Variants in COMMD8 observed in about 807,000 individuals in gnomAD.
COMMD8 encodes COMM domain containing 8, also known as COMM domain-containing protein 8.
A neutral mutation model predicts 27.2 loss-of-function variants in COMMD8; 28 were observed. The ratio of observed to expected loss-of-function variants is 1.03; its 90% CI spans 0.76 to 1.41. The LOEUF is 1.41. Among genes scored for constraint, COMMD8 ranks in the 40% most tolerant of loss-of-function variants. COMMD8 has a pLI of 0.00. For missense variants in COMMD8, 217 were observed against 211.2 expected (o/e 1.03, Z -0.17); for synonymous variants, 79 against 75.5 (o/e 1.05, Z -0.24).
intron 1 of COMMD8, among the ~76,000 whole-genome samples, chr4:47,463,073 A>C (rs62300077): frequency 0.23 from 34,514 of 152,074 alleles, 4,089 homozygotes; most frequent in Non-Finnish European, 0.25. Context: ...CTTACAAGCC[A>C]GGTTCTTTTA....
chr4:47,453,385 AAGAG>A (rs1380727936), intron 3 of COMMD8, among the ~76,000 whole-genome samples, 171 bp from the exon 4 acceptor site: 1 of 152,206 alleles, frequency 6.6e-6, no homozygotes, highest in Non-Finnish European at 1.5e-5. Context: ...GAAGAACAGA[AAGAG>A]AAAGGAGAGT....
intron 4 of COMMD8, 119 bp from the exon 5 acceptor site, chr4:47,451,784 C>A: frequency 1.5e-6 from 1 of 656,570 alleles, no homozygotes; most frequent in South Asian, 2.1e-5. Flanking sequence ...CAAGCAAGTA[C>A]AATGCACAGT....
chr4:47,462,876 C>T (rs904210211), intron 1 of COMMD8, among the ~76,000 whole-genome samples: 3 of 152,098 alleles, frequency 2.0e-5, no homozygotes, highest in Non-Finnish European at 4.4e-5. Context: ...CTCCTCCACA[C>T]TTTCTCCAGT....
chr4:47,452,267 A>C (rs1729771696), intron 4 of COMMD8, among the ~76,000 whole-genome samples: 1 of 152,178 alleles, frequency 6.6e-6, no homozygotes, highest in Non-Finnish European at 1.5e-5. Context: ...TTGGACATTC[A>C]TTAGTTCTGT....
At chr4:47,453,911 C>T (rs572961303) in intron 3 of COMMD8, among the ~76,000 whole-genome samples, 32 of 152,176 alleles carry the variant, frequency 2.1e-4, no homozygotes, top group Non-Finnish European at 3.4e-4. Flanking sequence ...AATGCTGCCA[C>T]TTGCAAAAAA....
intron 4 of COMMD8, among the ~76,000 whole-genome samples, chr4:47,451,870 C>A (rs1057485358): frequency 6.6e-6 from 1 of 152,188 alleles, no homozygotes; most frequent in Non-Finnish European, 1.5e-5. Context: ...TCACATGCAC[C>A]CTTCACACAT....
intron 1 of COMMD8, among the ~76,000 whole-genome samples, chr4:47,460,561 T>C (rs115786526): frequency 0.014 from 2,161 of 152,256 alleles, 52 homozygotes; most frequent in African/African-American, 0.049. Flanking sequence ...AAAAGGAAGA[T>C]ACATATAAAA....
In COMMD8 at chr4:47,458,141, C is replaced by A. The variant is rs144493461; in HGVS notation, c.223-1412G>T. Among the ~76,000 whole-genome samples, 1,096 of 152,044 alleles carry A rather than the reference C, an allele frequency of 7.2e-3. 7 individuals are homozygous for A. Among genetic ancestry groups the A allele is most frequent in the Non-Finnish European group, 0.011 (745 of 67,884 alleles). On this transcript the variant is annotated intron_variant, in intron 2 of 4. Coordinates refer to ENST00000381571, the MANE Select transcript of COMMD8 (RefSeq NM_017845.5). ...GCTTCTTTAGTCTGATAATGGATAT[C>A]TATAAAATTACAGAGCTAACATACT...
intron 3 of COMMD8, among the ~76,000 whole-genome samples, chr4:47,454,736 A>C (rs1296909420): frequency 6.6e-6 from 1 of 151,768 alleles, no homozygotes; most frequent in African/African-American, 2.4e-5. Context: ...GTGGTGGCAC[A>C]TGCCTGTAAT....
intron 2 of COMMD8, among the ~76,000 whole-genome samples, chr4:47,457,271 A>G (rs1457015705): frequency 6.6e-6 from 1 of 152,208 alleles, no homozygotes. Flanking sequence ...AACGACAGTA[A>G]AAGGGCAATT....
At chr4:47,457,533 A>G (rs1424785487) in intron 2 of COMMD8, among the ~76,000 whole-genome samples, 3 of 152,182 alleles carry the variant, frequency 2.0e-5, no homozygotes, top group Non-Finnish European at 4.4e-5. Flanking sequence ...AACTGTACAC[A>G]TTATTTTCAA....
Position 47,451,357 on chromosome 4 carries a change from T to G in COMMD8, c.*288A>C, listed in dbSNP as rs1278911436. On this transcript the variant is annotated 3_prime_UTR_variant, in exon 5 of 5. Coordinates refer to ENST00000381571, the MANE Select transcript of COMMD8 (RefSeq NM_017845.5). ...CTATTTTTAGCTTTCAATAAAACTA[T>G]GTATCTCCAAAGATTTCTCAAATAT... The G allele has an allele frequency of 2.8e-6, 1 of 358,078 alleles. No homozygotes were observed. The highest frequency in any genetic ancestry group is 5.0e-6 in the Non-Finnish European group (1 of 198,282). 22.2% of individuals were successfully genotyped at this position (358,078 alleles called of 1,614,324 possible).
At chr4:47,454,748 C>G (rs1469674004) in intron 3 of COMMD8, among the ~76,000 whole-genome samples, 1 of 151,320 alleles carries the variant, frequency 6.6e-6, no homozygotes, top group Non-Finnish European at 1.5e-5. Flanking sequence ...GCCTGTAATC[C>G]CAGCTACTCA....
chr4:47,451,172 G>C lies in COMMD8; in HGVS notation c.*473C>G, dbSNP rs2109351915. On this transcript the variant is annotated 3_prime_UTR_variant, in exon 5 of 5. Coordinates refer to ENST00000381571, the MANE Select transcript of COMMD8 (RefSeq NM_017845.5). ...TCCTCTGAAATATGAGAAAGACATG[G>C]AATCTCCTGAGTTATATATGCAGCT... The C allele has an allele frequency of 6.6e-6, 1 of 152,584 alleles. No individual in the cohort carries two copies. Among genetic ancestry groups the C allele is most frequent in the East Asian group, 1.9e-4 (1 of 5,200 alleles). The allele number at this position is 152,584 out of a possible 1,614,324, so 9.5% of individuals were successfully genotyped here.
chr4:47,455,766 C>T (rs1158742907), intron 3 of COMMD8, among the ~76,000 whole-genome samples: 1 of 152,172 alleles, frequency 6.6e-6, no homozygotes, highest in Non-Finnish European at 1.5e-5. Flanking sequence ...TCTTCATCTA[C>T]TGGTCTAGGT....
In COMMD8 at chr4:47,456,739, T is replaced by C. The variant is rs772161416; in HGVS notation, c.223-10A>G. ...TCAACTGCTGAAATATCTATAAAAA[T>C]AAAAACAGGCAAAAGGGGCTTTCTG... is the stretch of plus-strand genomic sequence containing the variant. On this transcript the variant is annotated splice_polypyrimidine_tract_variant and intron_variant, in intron 2 of 4. Coordinates refer to ENST00000381571, the MANE Select transcript of COMMD8 (RefSeq NM_017845.5). 4 of 1,559,746 alleles carry C rather than the reference T, an allele frequency of 2.6e-6. No homozygotes were observed. In the African/African-American group the frequency reaches 4.2e-5, roughly 16 times the overall value.
At chr4:47,460,449 A>G (rs1729996150) in intron 1 of COMMD8, 150 bp from the exon 2 acceptor site, 2 of 594,992 alleles carry the variant, frequency 3.4e-6, no homozygotes, top group African/African-American at 3.9e-5. Flanking sequence ...AGATTATTCT[A>G]ATTAAAAATT....
rs1560390042 is a variant in COMMD8, at chr4:47,456,265, TACATATATATATATATA to T, written c.375+295_375+311del. ...CTTGTCTCAAAAAATAAATAAATTATACATATATATATATATATATATATATATATATATATGTATAT... is the reference window on the plus strand; with the variant it reads ...CTTGTCTCAAAAAATAAATAAATTATTATATATATATATATATATGTATAT... On this transcript the variant is annotated intron_variant, in intron 3 of 4. Coordinates refer to ENST00000381571, the MANE Select transcript of COMMD8 (RefSeq NM_017845.5). Among the ~76,000 whole-genome samples the T allele has an allele frequency of 3.4e-3, 313 of 91,770 alleles. 5 individuals carry two copies. The highest frequency in any genetic ancestry group is 0.014 in the African/African-American group (302 of 21,846). The allele number at this position is 91,770 out of a possible 152,430, so 60.2% of individuals were successfully genotyped here.
chr4:47,462,892 T>G (rs1411725214), intron 1 of COMMD8, among the ~76,000 whole-genome samples: 1 of 151,944 alleles, frequency 6.6e-6, no homozygotes, highest in African/African-American at 2.4e-5. Context: ...CCAGTATAAA[T>G]GGAATAGAGG....
Sources: gnomAD v4.1 joint callset for allele counts (sites outside exome capture counted in the v4.1 genomes callset) on GRCh38, gnomAD v4.1.1 for gene constraint, MANE v1.5 for transcripts, NCBI Gene and HGNC (gene_info 2026-07-23, HGNC 2026-07-21) for gene names.